The following NCKAP5 variants were observed in gnomAD, a reference collection of about 807,000 sequenced individuals.
NCKAP5 encodes the protein NCK associated protein 5.
A neutral mutation model predicts 167.0 loss-of-function variants in NCKAP5; 92 were observed. The observed-to-expected ratio is 0.55, with a 90% CI of 0.47 to 0.66. The LOEUF (loss-of-function observed/expected upper bound fraction) is 0.66. NCKAP5 is among the 30% of genes least tolerant of loss of function. The pLI is 0.00. For missense variants in NCKAP5, 2,378 were observed against 2,315.0 expected (o/e 1.03, Z -0.56); for synonymous variants, 891 against 877.4 (o/e 1.02, Z -0.27).
At chr2:133,380,732 C>T (rs1686462471) in intron 3 of NCKAP5, among the ~76,000 whole-genome samples, 1 of 152,130 alleles carries the variant, frequency 6.6e-6, no homozygotes, top group Admixed American at 6.5e-5. Flanking sequence ...CTTACTGAAC[C>T]AGAATACCTG....
At chr2:132,906,943 G>A (rs1018822177) in intron 8 of NCKAP5, among the ~76,000 whole-genome samples, 4 of 152,232 alleles carry the variant, frequency 2.6e-5, no homozygotes, top group African/African-American at 7.2e-5. Flanking sequence ...TTCTTGACAC[G>A]TTTTACTTGA....
chr2:133,058,540 G>A (rs554843708), intron 6 of NCKAP5, among the ~76,000 whole-genome samples: 29 of 152,266 alleles, frequency 1.9e-4, no homozygotes, highest in Middle Eastern at 6.8e-3. Context: ...CTACAGATGC[G>A]GTGGAAATAG....
chr2:132,717,308 T>A lies in NCKAP5; in HGVS notation c.5713+8319A>T, dbSNP rs118127243. ...GGAAGGACTAAAGATAACTCTTACC[T>A]GTAGTGTCCACTTTAAACAATAGAT... is the stretch of plus-strand genomic sequence containing the variant. On this transcript the variant is annotated intron_variant, in intron 19 of 19. Coordinates refer to ENST00000409261, the MANE Select transcript of NCKAP5 (RefSeq NM_207363.3). 6.5e-3 allele frequency among the ~76,000 whole-genome samples: 988 copies of A among 152,326 alleles called. 40 individuals are homozygous for A. Among genetic ancestry groups the A allele is most frequent in the Admixed American group, 0.051 (786 of 15,298 alleles).
At chr2:133,495,359 C>T (rs867216871) in intron 3 of NCKAP5, among the ~76,000 whole-genome samples, 19 of 152,216 alleles carry the variant, frequency 1.2e-4, no homozygotes, top group African/African-American at 4.6e-4. Flanking sequence ...GACTTCCACC[C>T]TACACGCGAT....
chr2:133,490,299 T>C (rs1035486758), intron 3 of NCKAP5, among the ~76,000 whole-genome samples: 4 of 152,162 alleles, frequency 2.6e-5, no homozygotes, highest in African/African-American at 9.7e-5. Context: ...GTTACGGCGA[T>C]GCTAGTTTTT....
Position 133,558,704 on chromosome 2 carries a change from C to CAAAAAAAAAAAAAAA in NCKAP5, c.-62+331_-62+345dup, listed in dbSNP as rs60051493. On this transcript the variant is annotated intron_variant, in intron 2 of 19. Coordinates refer to ENST00000409261, the MANE Select transcript of NCKAP5 (RefSeq NM_207363.3). ...ACATAAACAGATGCAATGTGCTGAG[C>CAAAAAAAAAAAAAAA]AAAAAAAAAAAAAAAAAAAAAAGCC... Among the ~76,000 whole-genome samples, 87 of 50,864 alleles carry CAAAAAAAAAAAAAAA rather than the reference C, an allele frequency of 1.7e-3. 14 individuals are homozygous for CAAAAAAAAAAAAAAA. The highest frequency in any genetic ancestry group is 0.011 in the South Asian group (9 of 856). 33.4% of individuals were successfully genotyped at this position (50,864 alleles called of 152,430 possible). A position where few individuals can be genotyped will look rare whatever the true frequency, so the allele number is the denominator to read the frequency against.
intron 3 of NCKAP5, among the ~76,000 whole-genome samples, chr2:133,310,216 C>T (rs1383563834): frequency 6.6e-6 from 1 of 152,230 alleles, no homozygotes; most frequent in Non-Finnish European, 1.5e-5. Context: ...TCATAACTAA[C>T]TGGCATCTGT....
chr2:133,434,432 A>C (rs2151136833), intron 3 of NCKAP5, among the ~76,000 whole-genome samples: 1 of 152,350 alleles, frequency 6.6e-6, no homozygotes, highest in South Asian at 2.1e-4. Flanking sequence ...AAAGTCAAGA[A>C]CATAGGCTGA....
At chr2:133,515,834 G>A (rs915180828) in intron 3 of NCKAP5, among the ~76,000 whole-genome samples, 3 of 152,172 alleles carry the variant, frequency 2.0e-5, no homozygotes, top group Admixed American at 6.5e-5. Flanking sequence ...CCCTGCCTTC[G>A]CAGCTATCTG....
At chr2:132,917,950 G>A (rs1695011050) in intron 8 of NCKAP5, among the ~76,000 whole-genome samples, 2 of 152,092 alleles carry the variant, frequency 1.3e-5, no homozygotes, top group South Asian at 4.1e-4. Flanking sequence ...GCTATCATTG[G>A]CTGCAAGGGA....
intron 16 of NCKAP5, among the ~76,000 whole-genome samples, chr2:132,770,765 T>C (rs944281676): frequency 5.3e-5 from 8 of 152,172 alleles, no homozygotes; most frequent in Non-Finnish European, 1.2e-4. Context: ...CATACAGTCA[T>C]GTACAACAAA....
At chr2:132,850,369 GTCATGAAGTGACA>G (rs1168929994) in intron 11 of NCKAP5, among the ~76,000 whole-genome samples, 1 of 152,098 alleles carries the variant, frequency 6.6e-6, no homozygotes, top group African/African-American at 2.4e-5. Flanking sequence ...CCTGGGAAAA[GTCATGAAGTGACA>G]TTTGGAAGTG....
intron 4 of NCKAP5, among the ~76,000 whole-genome samples, chr2:133,253,588 C>T (rs2088464366): frequency 6.6e-6 from 1 of 152,008 alleles, no homozygotes; most frequent in Admixed American, 6.6e-5. Context: ...TGAATGGAAC[C>T]AGGATGGGGA....
At chr2:133,005,150 C>T (rs1363014032) in intron 6 of NCKAP5, among the ~76,000 whole-genome samples, 1 of 152,092 alleles carries the variant, frequency 6.6e-6, no homozygotes, top group African/African-American at 2.4e-5. Flanking sequence ...ACATCCTCAG[C>T]TTACGAAGAT....
At chr2:133,091,342 T>G (rs1574001282) in intron 6 of NCKAP5, among the ~76,000 whole-genome samples, 1 of 152,158 alleles carries the variant, frequency 6.6e-6, no homozygotes, top group East Asian at 1.9e-4. Flanking sequence ...TAAGTGAGAT[T>G]CCACCACATG....
chr2:133,230,877 G>C (rs2087115796), intron 4 of NCKAP5, among the ~76,000 whole-genome samples: 2 of 152,122 alleles, frequency 1.3e-5, no homozygotes, highest in African/African-American at 4.8e-5. Flanking sequence ...TGACAAGTTT[G>C]TTTCTTGAGT....
At chr2:132,815,584 T>C (rs1228867605) in intron 11 of NCKAP5, among the ~76,000 whole-genome samples, 1 of 152,226 alleles carries the variant, frequency 6.6e-6, no homozygotes, top group Non-Finnish European at 1.5e-5. Context: ...ATGGTAAATT[T>C]ATTTCATAAA....
At position 132,783,947 on chromosome 2, in the gene NCKAP5, T is replaced by C. The variant is rs1683305686; in HGVS notation, c.2864A>G (p.Lys955Arg). 1.9e-6 allele frequency: 3 copies of C among 1,588,606 alleles called. No homozygotes were observed. The highest frequency in any genetic ancestry group is 2.6e-6 in the Non-Finnish European group (3 of 1,170,028). ...TTCACTGGGGACCCTGGTTTCGGAC[T>C]TGGTGGATGAAGGTGCTGGTGAATA... Reference protein sequence around the residue: ...YDYSPAPSSTKSETRVPSETA... With the variant: ...YDYSPAPSSTRSETRVPSETA... Residue 955 changes from lysine (K) to arginine (R), a missense_variant, in exon 14 of 20, where the codon AAG becomes AGG. Transcript: ENST00000409261.
At chr2:133,548,479 A>C (rs2104934517) in intron 2 of NCKAP5, among the ~76,000 whole-genome samples, 1 of 151,622 alleles carries the variant, frequency 6.6e-6, no homozygotes, top group Admixed American at 6.6e-5. Flanking sequence ...AGCCAGAGAG[A>C]AAGGTCGGGT....
Sources: allele counts gnomAD v4.1 joint callset (sites outside exome capture counted in the v4.1 genomes callset), GRCh38; gene constraint gnomAD v4.1.1; transcripts MANE v1.5; gene names NCBI Gene and HGNC (gene_info 2026-07-23, HGNC 2026-07-21).